Variants in BRF1 observed in about 807,000 individuals in gnomAD.
BRF1 encodes BRF1 general transcription factor IIIB subunit.
In BRF1, 59 loss-of-function variants were observed where a neutral mutation model predicts 81.7. That is an observed-to-expected ratio of 0.72 (90% CI 0.59 to 0.90). The LOEUF (loss-of-function observed/expected upper bound fraction) is 0.90, where lower values mean the gene tolerates loss of function less well. Ranked by LOEUF, BRF1 falls within the 40% of genes least tolerant of loss-of-function variation. BRF1 has a pLI of 0.00. For missense variants in BRF1, 1,050 were observed against 936.3 expected (o/e 1.12, Z -1.58); for synonymous variants, 491 against 395.6 (o/e 1.24, Z -2.86).
chr14:105,246,959 T>G (rs1266019495), intron 5 of BRF1: 6 of 985,306 alleles, frequency 6.1e-6, no homozygotes, highest in East Asian at 2.3e-4. Context: ...CTCACTGCAT[T>G]CCCCAAATGG....
intron 5 of BRF1, among the ~76,000 whole-genome samples, chr14:105,251,906 C>A (rs1034818858): frequency 6.6e-6 from 1 of 152,010 alleles, no homozygotes; most frequent in South Asian, 2.1e-4. Context: ...ACTTACCCTA[C>A]ACCTAACACA....
intron 5 of BRF1, chr14:105,249,872 C>A (rs375940510): frequency 2.4e-5 from 38 of 1,612,030 alleles, no homozygotes; most frequent in Non-Finnish European, 3.1e-5. Flanking sequence ...GATGGCCCTA[C>A]GGTCCGAAGG....
intron 1 of BRF1, among the ~76,000 whole-genome samples, chr14:105,289,426 G>A (rs1003685112): frequency 6.6e-6 from 1 of 152,200 alleles, no homozygotes; most frequent in Non-Finnish European, 1.5e-5. Context: ...CAGGGCCACA[G>A]TGAGGTGCCT....
chr14:105,228,921 G>T lies in BRF1; in HGVS notation c.695-8C>A. The T allele has an allele frequency of 6.2e-7, 1 of 1,613,144 alleles. No homozygotes were observed. ...TGGCTGCAACCAGGAGCGCTGGAAG[G>T]CAACGAGACGGGCCTCGTCAACCAC... On this transcript the variant is annotated splice_polypyrimidine_tract_variant and splice_region_variant and intron_variant, in intron 6 of 17. Transcript: ENST00000547530.
chr14:105,223,575 C>G (rs1382271650), intron 10 of BRF1, among the ~76,000 whole-genome samples: 1 of 152,224 alleles, frequency 6.6e-6, no homozygotes, highest in African/African-American at 2.4e-5. Context: ...GATCCTACTC[C>G]TACGGAATTC....
chr14:105,289,416 C>T (rs2057433467), intron 1 of BRF1, among the ~76,000 whole-genome samples: 1 of 152,184 alleles, frequency 6.6e-6, no homozygotes, highest in Non-Finnish European at 1.5e-5. Flanking sequence ...GAGGACCTGG[C>T]AGGGCCACAG....
At chr14:105,242,319 T>C (rs1257481515) in intron 5 of BRF1, 1 of 152,206 alleles carries the variant, frequency 6.6e-6, no homozygotes, top group Non-Finnish European at 1.5e-5. Flanking sequence ...TTTGTGGTGA[T>C]TTGGCTGCTA....
chr14:105,274,925 G>T (rs587637916), intron 2 of BRF1, among the ~76,000 whole-genome samples: 9 of 152,334 alleles, frequency 5.9e-5, no homozygotes, highest in Non-Finnish European at 1.2e-4. Context: ...GGTGGGTCAC[G>T]GCTCGATGCA....
At chr14:105,280,722 G>A (rs1304909732) in intron 2 of BRF1, among the ~76,000 whole-genome samples, 1 of 151,044 alleles carries the variant, frequency 6.6e-6, no homozygotes, top group Non-Finnish European at 1.5e-5. Flanking sequence ...CCGGGTGTGC[G>A]GATACAGCCC....
At chr14:105,229,267 C>G (rs1191462045) in intron 6 of BRF1, among the ~76,000 whole-genome samples, 1 of 152,232 alleles carries the variant, frequency 6.6e-6, no homozygotes. Context: ...CGGAGCCAGG[C>G]TGGGCAGGAA....
rs141576483 is a variant in BRF1 at position 105,264,497 on chromosome 14, T to C, written c.440-7948A>G. ...GGCTAACACAGTGAAACACCGTCTC[T>C]ACTAAAAATACAAAAAAAAATTAGC... is the stretch of plus-strand genomic sequence containing the variant. On this transcript the variant is annotated intron_variant, in intron 3 of 17. Coordinates refer to ENST00000547530, the MANE Select transcript of BRF1 (RefSeq NM_001519.4). Among the ~76,000 whole-genome samples the C allele has an allele frequency of 1.7e-3, 262 of 151,752 alleles. 1 individual carries two copies. The highest frequency in any genetic ancestry group is 6.0e-3 in the African/African-American group (248 of 41,356).
intron 6 of BRF1, among the ~76,000 whole-genome samples, chr14:105,229,625 CA>C (rs2054401273): frequency 1.3e-5 from 2 of 152,122 alleles, no homozygotes; most frequent in African/African-American, 4.8e-5. Context: ...CCAACTAGAA[CA>C]GTCGCCCAGC....
chr14:105,247,803 T>G (rs587674548), intron 5 of BRF1: 1 of 985,462 alleles, frequency 1.0e-6, no homozygotes, highest in Admixed American at 6.1e-5. Flanking sequence ...GAGCTTGGCA[T>G]GCACCAGCTG....
At chr14:105,223,222 C>G (rs908125413) in intron 10 of BRF1, among the ~76,000 whole-genome samples, 1 of 152,146 alleles carries the variant, frequency 6.6e-6, no homozygotes, top group Non-Finnish European at 1.5e-5. Flanking sequence ...ACACACTTGC[C>G]TTTCACATAA....
chr14:105,304,865 C>A (rs1228111415), upstream of BRF1, among the ~76,000 whole-genome samples: 1 of 152,228 alleles, frequency 6.6e-6, no homozygotes, highest in African/African-American at 2.4e-5. Flanking sequence ...TTCGCAATCA[C>A]AAGAACAGCA....
At chr14:105,302,146 C>CAAAAA (rs377143444), upstream of BRF1, among the ~76,000 whole-genome samples, 1 of 116,584 alleles carries the variant, frequency 8.6e-6, no homozygotes, top group Non-Finnish European at 1.8e-5. Context: ...AACTCTGTCT[C>CAAAAA]AAAAAAAAAA....
chr14:105,248,984 C>G, intron 5 of BRF1: 1 of 985,574 alleles, frequency 1.0e-6, no homozygotes, highest in Non-Finnish European at 1.2e-6. Context: ...CCAGCGCCCC[C>G]GCGCCAGCGC....
In BRF1 at chr14:105,297,396, G is replaced by A. The variant is rs190823856; in HGVS notation, c.184+3050C>T. On this transcript the variant is annotated intron_variant, in intron 1 of 17. Transcript: ENST00000547530. ...AGCCTGGCCAATGTGGTGAAACCCC[G>A]TCTCTACTAAAAAATATACAAAAAT... 3.2e-3 allele frequency among the ~76,000 whole-genome samples: 481 copies of A among 151,790 alleles called. 3 individuals are homozygous for A. The highest frequency in any genetic ancestry group is 0.01 in the African/African-American group (424 of 41,266).
chr14:105,254,447 T>C (rs1406391444), intron 4 of BRF1, among the ~76,000 whole-genome samples: 1 of 152,056 alleles, frequency 6.6e-6, no homozygotes, highest in African/African-American at 2.4e-5. Context: ...TTAGTAGAGA[T>C]GGAGTTTCAC....
Sources: allele counts gnomAD v4.1 joint callset (sites outside exome capture counted in the v4.1 genomes callset), GRCh38; gene constraint gnomAD v4.1.1; transcripts MANE v1.5; gene names NCBI Gene and HGNC (gene_info 2026-07-23, HGNC 2026-07-21).